Variants in EVI5 observed in about 807,000 individuals in gnomAD.
EVI5 encodes the protein ecotropic viral integration site 5 protein homolog.
A neutral mutation model predicts 112.0 loss-of-function variants in EVI5; 73 were observed. The observed-to-expected ratio is 0.65, with a 90% confidence interval of 0.54 to 0.79. The LOEUF (loss-of-function observed/expected upper bound fraction) is 0.79, where lower values mean the gene tolerates loss of function less well. EVI5 is among the 30% of genes least tolerant of loss of function. EVI5 has a pLI of 0.00. For missense variants in EVI5, 900 were observed against 968.8 expected, an observed-to-expected ratio of 0.93 and a Z score of 0.94; for synonymous variants, 305 against 319.9, an observed-to-expected ratio of 0.95 and a Z score of 0.50.
At chr1:92,608,987 A>C (rs2101618438) in intron 16 of EVI5, among the ~76,000 whole-genome samples, 1 of 152,348 alleles carries the variant, frequency 6.6e-6, no homozygotes, top group South Asian at 2.1e-4. Flanking sequence ...AATATGCGTA[A>C]CAGGGCCTAA....
intron 2 of EVI5, among the ~76,000 whole-genome samples, chr1:92,718,709 A>AT (rs1225149869): frequency 1.3e-5 from 2 of 152,202 alleles, no homozygotes; most frequent in Non-Finnish European, 2.9e-5. Context: ...GAACTGAAGG[A>AT]GATAGAGACA....
intron 1 of EVI5, among the ~76,000 whole-genome samples, chr1:92,758,380 G>A (rs12566186): frequency 0.026 from 3,926 of 151,976 alleles, 152 homozygotes; most frequent in African/African-American, 0.081. Flanking sequence ...ACCAGCTTGG[G>A]CAACATGGCA....
chr1:92,711,595 C>T (rs1171667554), intron 2 of EVI5, among the ~76,000 whole-genome samples: 1 of 152,072 alleles, frequency 6.6e-6, no homozygotes, highest in African/African-American at 2.4e-5. Flanking sequence ...GTCAAGGCTT[C>T]AGTGAGCCAT....
At chr1:92,631,929 TTGAGA>T (rs1303995267) in intron 14 of EVI5, among the ~76,000 whole-genome samples, 1 of 152,208 alleles carries the variant, frequency 6.6e-6, no homozygotes, top group Non-Finnish European at 1.5e-5. Flanking sequence ...TCTGCATCTA[TTGAGA>T]TAATTATGTG....
At position 92,736,623 on chromosome 1, in the gene EVI5, G is replaced by T; in HGVS notation, c.-77C>A. 1 of 1,609,704 alleles carries T rather than the reference G, an allele frequency of 6.2e-7. No homozygotes were observed. The highest frequency in any genetic ancestry group is 8.5e-7 in the Non-Finnish European group (1 of 1,176,314). ...CAGCTTTTCTGCAACTTTGTCTGTC[G>T]CCACCTAAGGACAAAAATAAAAGTT... On this transcript the variant is annotated 5_prime_UTR_variant, in exon 2 of 20. Coordinates refer to ENST00000684568, the MANE Select transcript of EVI5 (RefSeq NM_001350197.2).
chr1:92,654,568 T>C (rs945406525), intron 13 of EVI5, among the ~76,000 whole-genome samples: 4 of 152,140 alleles, frequency 2.6e-5, no homozygotes, highest in African/African-American at 9.7e-5. Flanking sequence ...GAAGAAAAGA[T>C]AAGTTTCTCC....
At chr1:92,687,421 T>C (rs566079595) in intron 9 of EVI5, among the ~76,000 whole-genome samples, 19 of 152,114 alleles carry the variant, frequency 1.2e-4, no homozygotes, top group Admixed American at 1.2e-3. Flanking sequence ...ATGTTAGACC[T>C]AAAACCATAA....
intron 2 of EVI5, among the ~76,000 whole-genome samples, chr1:92,711,610 A>G (rs1041340099): frequency 1.3e-5 from 2 of 152,152 alleles, no homozygotes; most frequent in African/African-American, 4.8e-5. Flanking sequence ...AGCCATGATC[A>G]CACGACTGCA....
intron 17 of EVI5, among the ~76,000 whole-genome samples, chr1:92,605,647 A>C (rs1650217230): frequency 6.6e-6 from 1 of 152,178 alleles, no homozygotes; most frequent in Non-Finnish European, 1.5e-5. Context: ...TTTGCCTCCA[A>C]AGGAATTTGT....
At chr1:92,522,510 C>T (rs543476812) in intron 19 of EVI5, among the ~76,000 whole-genome samples, 2 of 150,690 alleles carry the variant, frequency 1.3e-5, no homozygotes, top group South Asian at 2.1e-4. Flanking sequence ...GTGGCAGGCA[C>T]CTGTAATCCC....
chr1:92,541,682 T>C (rs895188831), intron 19 of EVI5, among the ~76,000 whole-genome samples: 3 of 152,166 alleles, frequency 2.0e-5, no homozygotes, highest in Non-Finnish European at 2.9e-5. Context: ...AATAATATTA[T>C]TTATGATAGC....
intron 10 of EVI5, among the ~76,000 whole-genome samples, chr1:92,673,168 A>G (rs1666148469): frequency 6.9e-6 from 1 of 145,736 alleles, no homozygotes; most frequent in Non-Finnish European, 1.5e-5. Context: ...TTCCTGGGCA[A>G]CTTAGATAAC....
In EVI5 at chr1:92,513,989, A is replaced by G. The variant is rs1351301144; in HGVS notation, c.2167-19T>C. ...ACCTGAGCTGTTAAAACAAAATCCAAGTTAATACAGTCAAATGGGGGAAAC... is the reference window on the plus strand; with the variant it reads ...ACCTGAGCTGTTAAAACAAAATCCAGGTTAATACAGTCAAATGGGGGAAAC... On this transcript the variant is annotated intron_variant, in intron 19 of 19. Coordinates refer to ENST00000684568, the MANE Select transcript of EVI5 (RefSeq NM_001350197.2). 2.7e-6 allele frequency: 4 copies of G among 1,469,352 alleles called. No individual in the cohort carries two copies. Among genetic ancestry groups the G allele is most frequent in the South Asian group, 1.4e-5 (1 of 72,886 alleles). 91.0% of individuals were successfully genotyped at this position (1,469,352 alleles called of 1,614,324 possible).
intron 6 of EVI5, among the ~76,000 whole-genome samples, chr1:92,696,835 G>A (rs191500781): frequency 3.4e-4 from 51 of 152,182 alleles, no homozygotes; most frequent in Admixed American, 2.2e-3. Context: ...TCAGGAGATC[G>A]AGACCATCCT....
At chr1:92,625,557 A>C (rs1655487521) in intron 15 of EVI5, 1 of 368,512 alleles carries the variant, frequency 2.7e-6, no homozygotes, top group Admixed American at 4.0e-5. Context: ...ACAATGGTAC[A>C]ATGACAAAAA....
Position 92,590,009 on chromosome 1 carries a change from T to C in EVI5, c.2070+15298A>G, listed in dbSNP as rs111698159. On this transcript the variant is annotated intron_variant, in intron 18 of 19. Transcript: ENST00000684568. The stretch of plus-strand genomic sequence containing the variant: ...TGCTGATATACAGGCAAACAGGGTC[T>C]GGAGTGGACCTCCAGCAAACTCCAA... 3.9e-3 allele frequency among the ~76,000 whole-genome samples: 589 copies of C among 152,344 alleles called. 3 individuals are homozygous for C. The highest frequency in any genetic ancestry group is 0.013 in the African/African-American group (555 of 41,562).
chr1:92,582,939 C>T (rs1167226391), intron 18 of EVI5, among the ~76,000 whole-genome samples: 3 of 152,138 alleles, frequency 2.0e-5, no homozygotes, highest in Admixed American at 2.0e-4. Flanking sequence ...TCACTGCAGC[C>T]AATTTCAATG....
chr1:92,572,724 C>T (rs1048233147), intron 18 of EVI5, among the ~76,000 whole-genome samples: 1 of 109,096 alleles, frequency 9.2e-6, no homozygotes, highest in Non-Finnish European at 1.9e-5. Flanking sequence ...ATAACCATAT[C>T]TGTTTTGTAC....
intron 14 of EVI5, among the ~76,000 whole-genome samples, chr1:92,635,063 G>A (rs540362673): frequency 2.0e-5 from 3 of 152,270 alleles, no homozygotes; most frequent in African/African-American, 7.2e-5. Flanking sequence ...AGGGGTACCC[G>A]GCCGTGTGAG....
Sources: allele counts gnomAD v4.1 joint callset (sites outside exome capture counted in the v4.1 genomes callset), GRCh38; gene constraint gnomAD v4.1.1; transcripts MANE v1.5; gene names NCBI Gene and HGNC (gene_info 2026-07-23, HGNC 2026-07-21).